The following KLHL35 variants were observed in gnomAD, a reference collection of about 807,000 sequenced individuals.
KLHL35 encodes kelch-like protein 35.
A neutral mutation model predicts 44.0 loss-of-function variants in KLHL35; 50 were observed. That is an observed-to-expected ratio of 1.14 (90% CI 0.91 to 1.44). The LOEUF is 1.44. KLHL35 is among the 40% of genes most tolerant of loss of function. The pLI is 0.00. For missense variants in KLHL35, 1,049 were observed against 887.8 expected (o/e 1.18, Z -2.31); for synonymous variants, 470 against 410.4 (o/e 1.15, Z -1.76).
chr11:75,432,500 T>A (rs1049568853), intron 1 of KLHL35, among the ~76,000 whole-genome samples: 1 of 152,184 alleles, frequency 6.6e-6, no homozygotes, highest in Non-Finnish European at 1.5e-5. Flanking sequence ...GCAACCAGTC[T>A]GTCCTCCACT....
Position 75,430,392 on chromosome 11 carries a change from CCGGGCCGCGCT to C in KLHL35, c.227_237del (p.Glu76GlyfsTer118). On this transcript the variant is annotated frameshift_variant, in exon 2 of 7. Transcript: ENST00000539798. LOFTEE classifies it high-confidence loss of function. ...GCTACTGGCACCACTGGCACCACGG[CCGGGCCGCGCT>C]CGGGCCGCCCGGCCGCGAACAAGCT... is the stretch of plus-strand genomic sequence containing the variant. 4 of 1,368,134 alleles carry C rather than the reference CCGGGCCGCGCT, an allele frequency of 2.9e-6. No individual in the cohort carries two copies. Among genetic ancestry groups the C allele is most frequent in the South Asian group, 1.5e-5 (1 of 64,844 alleles). The allele number at this position is 1,368,134 out of a possible 1,614,324, so 84.7% of individuals were successfully genotyped here.
chr11:75,427,781 TTCCC>T (rs749217756), intron 3 of KLHL35, among the ~76,000 whole-genome samples: 5 of 152,196 alleles, frequency 3.3e-5, no homozygotes, highest in Non-Finnish European at 7.3e-5. Context: ...GCCCATACTG[TTCCC>T]TCCAACTTTC....
Position 75,426,832 on chromosome 11 carries a change from C to T in KLHL35, c.1067-194G>A, listed in dbSNP as rs935342965. 1.4e-5 allele frequency: 7 copies of T among 483,516 alleles called. No individual in the cohort carries two copies. The Admixed American group carries it at 2.1e-4, about 14-fold the overall frequency. The allele number at this position is 483,516 out of a possible 1,614,324, so 30.0% of individuals were successfully genotyped here. ...ATAAGTGGTGGGAATGTCTGAGTTA[C>T]GACCCTCGAGGGGAGAAGCCTGACA... On this transcript the variant is annotated intron_variant, in intron 3 of 6. Transcript: ENST00000539798.
At chr11:75,432,244 T>C (rs1028677566) in intron 1 of KLHL35, among the ~76,000 whole-genome samples, 4 of 152,110 alleles carry the variant, frequency 2.6e-5, no homozygotes, top group Admixed American at 1.3e-4. Context: ...GGAGGTCAGA[T>C]CCCGCCTAGT....
Position 75,422,443 on chromosome 11 carries a change from C to A in KLHL35, c.*137G>T. ...GCAGACTGCAGCTGGAACACAGACC[C>A]AACAAGATTTTATTTATACAAGAAA... On this transcript the variant is annotated 3_prime_UTR_variant, in exon 7 of 7. Coordinates refer to ENST00000539798, the MANE Select transcript of KLHL35 (RefSeq NM_001039548.3). 1 of 765,264 alleles carries A rather than the reference C, an allele frequency of 1.3e-6. No individual in the cohort carries two copies. Among genetic ancestry groups the A allele is most frequent in the East Asian group, 2.7e-5 (1 of 36,900 alleles). 47.4% of individuals were successfully genotyped at this position (765,264 alleles called of 1,614,324 possible).
rs752980180 is a variant in KLHL35, at chr11:75,426,487, T to C, written c.1185+33A>G. The C allele has an allele frequency of 6.2e-6, 9 of 1,445,628 alleles. No individual in the cohort carries two copies. In the South Asian group the frequency reaches 1.1e-4, roughly 18 times the overall value. The allele number at this position is 1,445,628 out of a possible 1,614,324, so 89.6% of individuals were successfully genotyped here. On this transcript the variant is annotated intron_variant, in intron 4 of 6. Coordinates refer to ENST00000539798, the MANE Select transcript of KLHL35 (RefSeq NM_001039548.3). ...AGCACATCCACAGATCTGTACCTTG[T>C]GTCCCAGGGCAGCCGCTGCAGCTCG...
rs1306088975 is a variant in KLHL35 at position 75,430,155 on chromosome 11, G to A, written c.475C>T (p.Arg159Cys). ...RLRAANSLAL[R>C]RVAAAFSLAP... is the part of the protein sequence containing the mutation. ...AGCGAGAAGGCGGCGGCCACGCGGC[G>A]CAGCGCTAGGCTGTTGGCGGCGCGC... The change falls in exon 2 of 7, where the codon CGC becomes TGC. Residue 159 changes from arginine (R) to cysteine (C), a missense_variant. By Grantham distance (180) the Arg-to-Cys change is radical. Transcript: ENST00000539798. 3.8e-5 allele frequency: 47 copies of A among 1,232,664 alleles called. No homozygotes were observed. The highest frequency in any genetic ancestry group is 1.8e-4 in the Admixed American group (4 of 22,852). The allele number at this position is 1,232,664 out of a possible 1,614,324, so 76.4% of individuals were successfully genotyped here.
Position 75,430,408 on chromosome 11 carries a change from C to T in KLHL35, c.222G>A (p.Arg74=), listed in dbSNP as rs1217125920. 7.4e-7 allele frequency: 1 copy of T among 1,360,310 alleles called. No individual in the cohort carries two copies. The highest frequency in any genetic ancestry group is 1.5e-5 in the South Asian group (1 of 65,512). The allele number at this position is 1,360,310 out of a possible 1,614,324, so 84.3% of individuals were successfully genotyped here. The change falls in exon 2 of 7, where the codon CGG becomes CGA. Residue 74 remains arginine, a synonymous_variant. Coordinates refer to ENST00000539798, the MANE Select transcript of KLHL35 (RefSeq NM_001039548.3). The part of the protein sequence containing the change: ...AYFRSLFAAG[R]PERGPAVVPV... Reference sequence around the variant, plus strand: ...GCACCACGGCCGGGCCGCGCTCGGGCCGCCCGGCCGCGAACAAGCTGCGGA... The same window carrying T: ...GCACCACGGCCGGGCCGCGCTCGGGTCGCCCGGCCGCGAACAAGCTGCGGA...
At chr11:75,432,641 G>C (rs1228335906) in intron 1 of KLHL35, among the ~76,000 whole-genome samples, 2 of 152,126 alleles carry the variant, frequency 1.3e-5, no homozygotes, top group Admixed American at 1.3e-4. Flanking sequence ...TCCCCTCCTA[G>C]GAAGTGTGTC....
At chr11:75,423,618 A>G in intron 6 of KLHL35, 74 bp downstream of exon 6, 1 of 1,287,480 alleles carries the variant, frequency 7.8e-7, no homozygotes, top group Admixed American at 1.9e-5. Flanking sequence ...GGATGGAGTC[A>G]CAAGATTCAC....
chr11:75,425,396 G>T lies in KLHL35; in HGVS notation c.1371C>A (p.Asp457Glu), dbSNP rs747757051. ...GGARQGGVNT[D>E]KVQCFDPKED... Reference sequence around the variant, plus strand: ...CGCGCCTGAGGCCCACGCCCACCTTGTCCGTGTTGACGCCGCCCTGCCTGG... The same window carrying T: ...CGCGCCTGAGGCCCACGCCCACCTTTTCCGTGTTGACGCCGCCCTGCCTGG... The change falls in exon 5 of 7, where the codon GAC (aspartate) becomes GAA (glutamate). Residue 457 changes from aspartate to glutamate, a missense_variant. Asp to Glu is a conservative substitution (Grantham distance 45). Coordinates refer to ENST00000539798, the MANE Select transcript of KLHL35 (RefSeq NM_001039548.3). The T allele has an allele frequency of 1.9e-6, 3 of 1,550,190 alleles. No homozygotes were observed. In the South Asian group the frequency reaches 3.5e-5, roughly 18 times the overall value.
intron 5 of KLHL35, chr11:75,424,100 A>C: frequency 8.0e-6 from 4 of 498,556 alleles, no homozygotes; most frequent in South Asian, 3.3e-5. Flanking sequence ...CTGCCTCTGG[A>C]CTCCCTTTGT....
Position 75,430,498 on chromosome 11 carries a change from C to A in KLHL35, c.132G>T (p.Val44=), listed in dbSNP as rs1177080732. The change falls in exon 2 of 7, where the codon GTG becomes GTT. Residue 44 remains valine, a synonymous_variant. Coordinates refer to ENST00000539798, the MANE Select transcript of KLHL35 (RefSeq NM_001039548.3). ...YRRSGTLTDV[V]LRAGGRDFPC... is the part of the protein sequence containing the mutation. ...GAAAGTCGCGCCCGCCGGCGCGCAG[C>A]ACCACGTCGGTGAGGGTGCCGCTCC... 1.4e-6 allele frequency: 2 copies of A among 1,433,552 alleles called. No homozygotes were observed. The highest frequency in any genetic ancestry group is 1.8e-6 in the Non-Finnish European group (2 of 1,097,336). The allele number at this position is 1,433,552 out of a possible 1,614,324, so 88.8% of individuals were successfully genotyped here. A position where few individuals can be genotyped will look rare whatever the true frequency, so the allele number is the denominator to read the frequency against.
chr11:75,429,522 C>T (rs1157030805), intron 2 of KLHL35, among the ~76,000 whole-genome samples: 1 of 152,234 alleles, frequency 6.6e-6, no homozygotes, highest in Non-Finnish European at 1.5e-5. Context: ...CTCGGAATTA[C>T]GGTTGCATGG....
intron 1 of KLHL35, among the ~76,000 whole-genome samples, chr11:75,431,222 C>T (rs775131389): frequency 2.0e-5 from 3 of 152,206 alleles, no homozygotes; most frequent in Non-Finnish European, 4.4e-5. Flanking sequence ...TCCAGCCTGT[C>T]TCCTGCCGAT....
chr11:75,423,924 C>A (rs1199444982), intron 5 of KLHL35, 44 bp from the exon 6 acceptor site: 1 of 1,448,988 alleles, frequency 6.9e-7, no homozygotes, highest in Non-Finnish European at 9.3e-7. Context: ...CCGCCCCCCC[C>A]AACAAATGCC....
Position 75,430,249 on chromosome 11 carries a change from CA to C in KLHL35, c.380del (p.Leu127ArgfsTer30). 1 of 1,213,482 alleles carries C rather than the reference CA, an allele frequency of 8.2e-7. No homozygotes were observed. Among genetic ancestry groups the C allele is most frequent in the Non-Finnish European group, 1.0e-6 (1 of 974,684 alleles). The allele number at this position is 1,213,482 out of a possible 1,614,324, so 75.2% of individuals were successfully genotyped here. ...CCACGCCCAGCCGCTCCGCCAGCGC[CA>C]GCACGGCCGCCGCCTCGTCCTCCGC... ...LRAEDEAAAV[L>X]ALAERLGVAG... On this transcript the variant is annotated frameshift_variant, in exon 2 of 7. Coordinates refer to ENST00000539798, the MANE Select transcript of KLHL35 (RefSeq NM_001039548.3). LOFTEE classifies it high-confidence loss of function.
intron 1 of KLHL35, among the ~76,000 whole-genome samples, chr11:75,431,487 C>G (rs1403795929): frequency 2.0e-5 from 3 of 152,082 alleles, no homozygotes; most frequent in African/African-American, 7.2e-5. Context: ...TCAGGGAGGG[C>G]GTCCCTGAGG....
rs140068960 is a variant in KLHL35 at position 75,430,561 on chromosome 11, G to T, written c.69C>A (p.His23Gln). Residue 23 changes from histidine to glutamine, a missense_variant, in exon 2 of 7, where the codon CAC (histidine) becomes CAA (glutamine). His to Gln is a conservative substitution (Grantham distance 24). Coordinates refer to ENST00000539798, the MANE Select transcript of KLHL35 (RefSeq NM_001039548.3). The part of the protein sequence containing the change: ...GCEAPCAGPC[H>Q]AQRVLQALNA... ...TCAGGGCCTGCAGCACGCGCTGCGCGTGGCACGGACCCGCGCACGGCGCTT... is the reference window on the plus strand; with the variant it reads ...TCAGGGCCTGCAGCACGCGCTGCGCTTGGCACGGACCCGCGCACGGCGCTT... 12 of 1,448,596 alleles carry T rather than the reference G, an allele frequency of 8.3e-6. No homozygotes were observed. The highest frequency in any genetic ancestry group is 1.1e-5 in the Non-Finnish European group (12 of 1,103,206). The allele number at this position is 1,448,596 out of a possible 1,614,324, so 89.7% of individuals were successfully genotyped here. A position where few individuals can be genotyped will look rare whatever the true frequency, so the allele number is the denominator to read the frequency against.
Sources: allele counts gnomAD v4.1 joint callset (sites outside exome capture counted in the v4.1 genomes callset), GRCh38; gene constraint gnomAD v4.1.1; transcripts MANE v1.5; gene names NCBI Gene and HGNC (gene_info 2026-07-23, HGNC 2026-07-21).